Variants in DYNC2H1 observed in about 807,000 individuals in gnomAD.
DYNC2H1 encodes cytoplasmic dynein 2 heavy chain 1.
DYNC2H1 carries 410 observed loss-of-function variants against 570.0 expected under a neutral mutation model. The ratio of observed to expected loss-of-function variants is 0.72; its 90% CI spans 0.66 to 0.78. DYNC2H1 has a LOEUF of 0.78. Among genes scored for constraint, DYNC2H1 ranks in the 30% least tolerant of loss-of-function variants. DYNC2H1 has a pLI of 0.00. For missense variants in DYNC2H1, 4,865 were observed against 5,046.4 expected, an observed-to-expected ratio of 0.96 and a Z score of 1.09; for synonymous variants, 1,688 against 1,677.6, an observed-to-expected ratio of 1.01 and a Z score of -0.15.
At position 103,277,169 on chromosome 11, in the gene DYNC2H1, T is replaced by C. The variant is rs893311494; in HGVS notation, c.10696-3179T>C. On this transcript the variant is annotated intron_variant, in intron 70 of 88. Transcript: ENST00000375735. The surrounding 1 kb of genome is among the most constrained non-coding windows in gnomAD (Gnocchi z 4.3). ...CAACTTGTTACCCCCTTTTAGACCT[T>C]ATATAACAGGTGTTAAAAATTTGGT... Among the ~76,000 whole-genome samples, 3 of 152,070 alleles carry C rather than the reference T, an allele frequency of 2.0e-5. No homozygotes were observed. The highest frequency in any genetic ancestry group is 7.2e-5 in the African/African-American group (3 of 41,438).
At chr11:103,429,875 T>C (rs1943825279) in intron 84 of DYNC2H1, among the ~76,000 whole-genome samples, 1 of 152,198 alleles carries the variant, frequency 6.6e-6, no homozygotes, top group Non-Finnish European at 1.5e-5. Flanking sequence ...TTTTCACACA[T>C]CATAAAAACC....
rs189432246 is a variant in DYNC2H1 at position 103,375,283 on chromosome 11, T to C, written c.12156+16924T>C. Reference sequence around the variant, plus strand: ...GATGGATGTCCAAGAAGAAGTCTGCTGTAGGGTTGGAGCCCTCTTGGAGAA... The same window carrying C: ...GATGGATGTCCAAGAAGAAGTCTGCCGTAGGGTTGGAGCCCTCTTGGAGAA... On this transcript the variant is annotated intron_variant, in intron 83 of 88. Transcript: ENST00000375735. Among the ~76,000 whole-genome samples, 8 of 152,348 alleles carry C rather than the reference T, an allele frequency of 5.3e-5. No homozygotes were observed. The East Asian group carries it at 1.3e-3, about 26-fold the overall frequency.
intron 11 of DYNC2H1, among the ~76,000 whole-genome samples, chr11:103,124,511 C>T (rs567173527): frequency 6.8e-6 from 1 of 147,376 alleles, no homozygotes; most frequent in East Asian, 2.0e-4. Flanking sequence ...GTGATGAAAG[C>T]ATAATACCTG....
chr11:103,227,990 T>C (rs1313080292), intron 59 of DYNC2H1, among the ~76,000 whole-genome samples: 1 of 152,188 alleles, frequency 6.6e-6, no homozygotes, highest in Non-Finnish European at 1.5e-5. Context: ...ATGTCTGATA[T>C]AAGAATAGCT....
At position 103,228,913 on chromosome 11, in the gene DYNC2H1, G is replaced by T. The variant is rs1863897641; in HGVS notation, c.9354-2347G>T. On this transcript the variant is annotated intron_variant, in intron 59 of 88. Transcript: ENST00000375735. This position sits in a 1 kb window ranked among gnomAD's most constrained non-coding sequence, Gnocchi z 6.1. ...TCCTTTGGTGGGGCTTGTTGTGGCT[G>T]CTGTGGGGGAGGGGGGTGTGGTTTC... 6.6e-6 allele frequency among the ~76,000 whole-genome samples: 1 copy of T among 152,110 alleles called. No homozygotes were observed. The highest frequency in any genetic ancestry group is 1.5e-5 in the Non-Finnish European group (1 of 68,018).
Position 103,275,756 on chromosome 11 carries a change from C to A in DYNC2H1, c.10696-4592C>A, listed in dbSNP as rs529012220. 1.3e-5 allele frequency among the ~76,000 whole-genome samples: 2 copies of A among 152,144 alleles called. No homozygotes were observed. The highest frequency in any genetic ancestry group is 4.2e-4 in the South Asian group (2 of 4,814). On this transcript the variant is annotated intron_variant, in intron 70 of 88. Coordinates refer to ENST00000375735, the MANE Select transcript of DYNC2H1 (RefSeq NM_001377.3). This position sits in a 1 kb window ranked among gnomAD's most constrained non-coding sequence, Gnocchi z 4.8. Reference sequence around the variant, plus strand: ...TCTGGAGGACCACAGTTTATCCATTCGGCATCTACTGAAGGAAATCTTGGT... The same window carrying A: ...TCTGGAGGACCACAGTTTATCCATTAGGCATCTACTGAAGGAAATCTTGGT...
At chr11:103,464,170 A>G (rs1478203600) in intron 87 of DYNC2H1, among the ~76,000 whole-genome samples, 2 of 152,246 alleles carry the variant, frequency 1.3e-5, no homozygotes, top group Non-Finnish European at 1.5e-5. Flanking sequence ...TTCCTTGAAC[A>G]GATACATGAA....
chr11:103,424,720 AGAG>A (rs1406494388), intron 84 of DYNC2H1, among the ~76,000 whole-genome samples: 2 of 151,514 alleles, frequency 1.3e-5, no homozygotes, highest in East Asian at 1.9e-4. Context: ...AAAAAAAAAA[AGAG>A]GAGGCAACTT....
chr11:103,162,980 C>T, intron 29 of DYNC2H1, 48 bp from the exon 30 acceptor site: 4 of 1,509,518 alleles, frequency 2.6e-6, no homozygotes, highest in South Asian at 1.2e-5. Flanking sequence ...TATTATTTTC[C>T]AGTTTATTTT....
chr11:103,457,856 A>C (rs1944849566), intron 87 of DYNC2H1, among the ~76,000 whole-genome samples: 1 of 152,220 alleles, frequency 6.6e-6, no homozygotes, highest in South Asian at 2.1e-4. Context: ...TTTCCTGCTC[A>C]AAACACTTTT....
chr11:103,472,995 G>A lies in DYNC2H1; in HGVS notation c.12765+4290G>A, dbSNP rs1945433879. On this transcript the variant is annotated intron_variant, in intron 88 of 88. Transcript: ENST00000375735. This position sits in a 1 kb window ranked among gnomAD's most constrained non-coding sequence, Gnocchi z 4.1. ...CATTTTTCAGAGAACATTTTAGGTT[G>A]CAAAAGATTGAAGAACTTCAACATT... Among the ~76,000 whole-genome samples the A allele has an allele frequency of 2.0e-5, 3 of 152,106 alleles. No individual in the cohort carries two copies. The South Asian group carries it at 6.2e-4, about 32-fold the overall frequency.
At chr11:103,123,413 G>A (rs1040331849) in intron 11 of DYNC2H1, among the ~76,000 whole-genome samples, 10 of 152,124 alleles carry the variant, frequency 6.6e-5, no homozygotes, top group Non-Finnish European at 1.3e-4. Flanking sequence ...GGTGCCCCAC[G>A]TAATATGGCT....
Position 103,257,802 on chromosome 11 carries a change from A to T in DYNC2H1, c.10605+51A>T, listed in dbSNP as rs567005320. 1.3e-5 allele frequency: 19 copies of T among 1,412,718 alleles called. No individual in the cohort carries two copies. The African/African-American group carries it at 1.9e-4, about 14-fold the overall frequency. The allele number at this position is 1,412,718 out of a possible 1,614,324, so 87.5% of individuals were successfully genotyped here. On this transcript the variant is annotated intron_variant, in intron 69 of 88. Transcript: ENST00000375735. The stretch of plus-strand genomic sequence containing the variant: ...GAGACTGAATTACAGGGATTACTTT[A>T]CTAGGGATAGTACTTAATTTATAAT...
At chr11:103,175,311 G>A (rs897567678) in intron 36 of DYNC2H1, among the ~76,000 whole-genome samples, 5 of 152,168 alleles carry the variant, frequency 3.3e-5, no homozygotes, top group Admixed American at 1.3e-4. Context: ...TACATTAGCT[G>A]TATTATTAGG....
At chr11:103,302,980 T>G (rs1269844344) in intron 75 of DYNC2H1, 113 bp from the exon 76 acceptor site, 1 of 751,166 alleles carries the variant, frequency 1.3e-6, no homozygotes, top group African/African-American at 1.8e-5. Context: ...TAATGTATTA[T>G]GAGATTACAA....
In DYNC2H1 at chr11:103,122,845, T is replaced by C. The variant is rs754192939; in HGVS notation, c.1506T>C (p.Ile502=). The C allele has an allele frequency of 8.7e-6, 14 of 1,613,096 alleles. No homozygotes were observed. The East Asian group carries it at 2.9e-4, about 33-fold the overall frequency. ...LELKVDDTIK[I]AEALLSDLPG... ...TTAAGGTAGATGATACTATCAAGAT[T>C]GCAGAGGCTCTTTTATCTGACTTGC... Residue 502 remains isoleucine (I), a synonymous_variant, in exon 11 of 89, where the codon ATT becomes ATC. Transcript: ENST00000375735.
chr11:103,306,474 C>T (rs1274954824), intron 77 of DYNC2H1, among the ~76,000 whole-genome samples: 1 of 152,038 alleles, frequency 6.6e-6, no homozygotes, highest in Non-Finnish European at 1.5e-5. Flanking sequence ...GTAAATCCAA[C>T]TATATCCAGC....
At chr11:103,394,906 G>A (rs561873332) in intron 83 of DYNC2H1, among the ~76,000 whole-genome samples, 7 of 151,996 alleles carry the variant, frequency 4.6e-5, no homozygotes, top group African/African-American at 1.7e-4. Flanking sequence ...GAAATGGGTG[G>A]CAAGAAATTC....
chr11:103,277,617 A>G lies in DYNC2H1; in HGVS notation c.10696-2731A>G, dbSNP rs1865964580. Reference sequence around the variant, plus strand: ...TGTTTTCTCCTGCTGATAATTTTGGACCGTGAACCCATCTTCAGTGATACT... The same window carrying G: ...TGTTTTCTCCTGCTGATAATTTTGGGCCGTGAACCCATCTTCAGTGATACT... On this transcript the variant is annotated intron_variant, in intron 70 of 88. Transcript: ENST00000375735. This position sits in a 1 kb window ranked among gnomAD's most constrained non-coding sequence, Gnocchi z 4.3. 6.6e-6 allele frequency among the ~76,000 whole-genome samples: 1 copy of G among 152,150 alleles called. No homozygotes were observed. Among genetic ancestry groups the G allele is most frequent in the African/African-American group, 2.4e-5 (1 of 41,510 alleles).
Sources: allele counts gnomAD v4.1 joint callset (sites outside exome capture counted in the v4.1 genomes callset), GRCh38; gene constraint gnomAD v4.1.1; non-coding constraint Gnocchi (gnomAD v3.1); transcripts MANE v1.5; gene names NCBI Gene and HGNC (gene_info 2026-07-23, HGNC 2026-07-21).